The following GRM1 variants were observed in gnomAD, a reference collection of about 807,000 sequenced individuals.
The protein encoded by GRM1 is glutamate metabotropic receptor 1.
In GRM1, 33 loss-of-function variants were observed where a neutral mutation model predicts 90.9. The ratio of observed to expected loss-of-function variants is 0.36; its 90% CI spans 0.28 to 0.49. The LOEUF (loss-of-function observed/expected upper bound fraction) is 0.49. Ranked by LOEUF, GRM1 falls within the 20% of genes least tolerant of loss-of-function variation. The pLI is 0.99. For missense variants in GRM1, 1,190 were observed against 1,534.3 expected (o/e 0.78, Z 3.75); for synonymous variants, 700 against 613.2 (o/e 1.14, Z -2.09).
At chr6:146,234,890 G>T (rs1780583057) in intron 2 of GRM1, among the ~76,000 whole-genome samples, 1 of 151,956 alleles carries the variant, frequency 6.6e-6, no homozygotes, top group East Asian at 1.9e-4. Context: ...CTACAAGCAT[G>T]GGCCACCACG....
chr6:146,119,993 A>T (rs568212493), intron 1 of GRM1, among the ~76,000 whole-genome samples: 3 of 152,166 alleles, frequency 2.0e-5, no homozygotes, highest in Non-Finnish European at 4.4e-5. Flanking sequence ...CACTGGTAGC[A>T]TCATGGGGAT....
At chr6:146,349,425 A>G (rs1785313013) in intron 3 of GRM1, among the ~76,000 whole-genome samples, 2 of 151,886 alleles carry the variant, frequency 1.3e-5, no homozygotes, top group African/African-American at 4.8e-5. Flanking sequence ...TTTACTTTAA[A>G]TGCTCTTTCC....
intron 2 of GRM1, among the ~76,000 whole-genome samples, chr6:146,167,179 A>G (rs1777940063): frequency 6.6e-6 from 1 of 152,142 alleles, no homozygotes; most frequent in African/African-American, 2.4e-5. Flanking sequence ...CAATTGACAA[A>G]ATACTTTTGA....
At chr6:146,291,329 T>A (rs1782972964) in intron 2 of GRM1, among the ~76,000 whole-genome samples, 1 of 151,360 alleles carries the variant, frequency 6.6e-6, no homozygotes, top group Non-Finnish European at 1.5e-5. Context: ...ATTGCTTTTT[T>A]TGATAAATAT....
intron 2 of GRM1, among the ~76,000 whole-genome samples, chr6:146,300,090 C>T (rs182362988): frequency 8.5e-5 from 13 of 152,096 alleles, no homozygotes; most frequent in Non-Finnish European, 1.2e-4. Context: ...TTATGGTTTT[C>T]GTCTTTTCCC....
intron 4 of GRM1, among the ~76,000 whole-genome samples, chr6:146,356,014 A>C (rs984144928): frequency 2.0e-5 from 3 of 152,222 alleles, no homozygotes; most frequent in African/African-American, 7.2e-5. Context: ...GCAACCAAGC[A>C]TGCAGCTTTG....
chr6:146,073,999 G>C (rs542545417), intron 1 of GRM1, among the ~76,000 whole-genome samples: 1 of 152,208 alleles, frequency 6.6e-6, no homozygotes, highest in East Asian at 1.9e-4. Flanking sequence ...ATGAATTCAA[G>C]TCTATAAAAA....
chr6:146,381,309 A>G (rs1305078400), intron 5 of GRM1, among the ~76,000 whole-genome samples: 1 of 152,196 alleles, frequency 6.6e-6, no homozygotes, highest in Non-Finnish European at 1.5e-5. Context: ...AAACCCATGG[A>G]ATCAGCGAGT....
chr6:146,115,990 G>A (rs910446734), intron 1 of GRM1, among the ~76,000 whole-genome samples: 1 of 152,102 alleles, frequency 6.6e-6, no homozygotes, highest in East Asian at 1.9e-4. Context: ...AATATTTTCT[G>A]CCCAGGCTGG....
At chr6:146,321,776 G>A (rs1784198904) in intron 3 of GRM1, among the ~76,000 whole-genome samples, 1 of 151,928 alleles carries the variant, frequency 6.6e-6, no homozygotes, top group Admixed American at 6.6e-5. Context: ...TCAGAGACTA[G>A]GATTGCAACT....
intron 2 of GRM1, among the ~76,000 whole-genome samples, chr6:146,262,084 C>CAAAAA (rs11392952): frequency 9.9e-6 from 1 of 101,422 alleles, no homozygotes; most frequent in Non-Finnish European, 2.4e-5. Flanking sequence ...GAAAACAAAA[C>CAAAAA]AAAAAAAAAA....
chr6:146,266,614 C>T (rs893829629), intron 2 of GRM1, among the ~76,000 whole-genome samples: 13 of 152,338 alleles, frequency 8.5e-5, no homozygotes, highest in East Asian at 3.9e-4. Flanking sequence ...ACCACACTCC[C>T]GCTGTCCTAG....
At chr6:146,044,644 A>G (rs913433563) in intron 1 of GRM1, among the ~76,000 whole-genome samples, 1 of 152,028 alleles carries the variant, frequency 6.6e-6, no homozygotes, top group African/African-American at 2.4e-5. Context: ...ATCTTTGGCT[A>G]GAAGCACCAA....
At chr6:146,319,604 G>A (rs147276484) in intron 3 of GRM1, among the ~76,000 whole-genome samples, 1 of 152,078 alleles carries the variant, frequency 6.6e-6, no homozygotes, top group Non-Finnish European at 1.5e-5. Context: ...CCATGAGCAT[G>A]GGATGTTTTT....
chr6:146,360,072 A>G (rs1275785983), intron 5 of GRM1, among the ~76,000 whole-genome samples: 1 of 152,198 alleles, frequency 6.6e-6, no homozygotes, highest in Non-Finnish European at 1.5e-5. Flanking sequence ...GGATGCATAC[A>G]GCCAGATCAG....
chr6:146,094,894 A>G (rs1776827104), intron 1 of GRM1, among the ~76,000 whole-genome samples: 1 of 152,110 alleles, frequency 6.6e-6, no homozygotes, highest in African/African-American at 2.4e-5. Context: ...ATGAGCTGCC[A>G]CAAGACAATT....
intron 3 of GRM1, among the ~76,000 whole-genome samples, chr6:146,308,878 A>G (rs1783677974): frequency 6.6e-6 from 1 of 152,078 alleles, no homozygotes; most frequent in Admixed American, 6.6e-5. Flanking sequence ...CTTTGTCGTT[A>G]AATTCTTTTA....
intron 1 of GRM1, among the ~76,000 whole-genome samples, chr6:146,126,862 G>T (rs958702603): frequency 7.9e-5 from 12 of 152,166 alleles, no homozygotes; most frequent in African/African-American, 2.9e-4. Context: ...TATGGAAATA[G>T]AACTTAATAG....
At chr6:146,390,016 T>A (rs1480872033) in intron 6 of GRM1, among the ~76,000 whole-genome samples, 1 of 152,068 alleles carries the variant, frequency 6.6e-6, no homozygotes, top group Non-Finnish European at 1.5e-5. Flanking sequence ...TAAAAATCAG[T>A]AGAATTACTC....
Sources: allele counts gnomAD v4.1 joint callset (sites outside exome capture counted in the v4.1 genomes callset), GRCh38; gene constraint gnomAD v4.1.1; transcripts MANE v1.5; gene names NCBI Gene and HGNC (gene_info 2026-07-23, HGNC 2026-07-21).